ACTN2: variants seen among roughly 807,000 people sequenced by gnomAD.
ACTN2 encodes the protein alpha-actinin-2.
Under a neutral mutation model 113.8 loss-of-function variants are expected in ACTN2, and 39 were observed. The ratio of observed to expected loss-of-function variants is 0.34; its 90% CI spans 0.27 to 0.45. The LOEUF is 0.45. Among genes scored for constraint, ACTN2 ranks in the 20% least tolerant of loss-of-function variants. ACTN2 has a pLI of 1.00. For synonymous variants in ACTN2, 429 were observed against 444.1 expected (o/e 0.97, Z 0.43); for missense variants, 992 against 1,177.9 (o/e 0.84, Z 2.31).
rs149277590 is a variant in ACTN2, at chr1:236,743,455, G to A, written c.1255+412G>A. On this transcript the variant is annotated intron_variant, in intron 11 of 20. Coordinates refer to ENST00000366578, the MANE Select transcript of ACTN2 (RefSeq NM_001103.4). ...CATAATATCCTATGTAGAAAATCTG[G>A]GAGGGAGGATGCAAGATATCATGTA... Among the ~76,000 whole-genome samples the A allele has an allele frequency of 5.9e-5, 9 of 152,278 alleles. No homozygotes were observed. In the East Asian group the frequency reaches 1.7e-3, roughly 29 times the overall value.
chr1:236,739,364 G>A lies in ACTN2; in HGVS notation c.939G>A (p.Met313Ile). The A allele has an allele frequency of 6.2e-7, 1 of 1,614,090 alleles. No individual in the cohort carries two copies. The highest frequency in any genetic ancestry group is 8.5e-7 in the Non-Finnish European group (1 of 1,180,032). ...AGAACCGGACTCCCGAGAAGACCAT[G>A]CAAGCCATGCAGAAGAAGCTGGAGG... Reference protein sequence around the residue: ...WLENRTPEKTMQAMQKKLEDF... With the variant: ...WLENRTPEKTIQAMQKKLEDF... The change falls in exon 10 of 21, where the codon ATG becomes ATA. Residue 313 changes from methionine to isoleucine, a missense_variant. Met to Ile is a conservative substitution (Grantham distance 10, BLOSUM62 1). This residue lies in a region of ACTN2 where 736 missense variants were observed against 815.4 expected (regional missense o/e 0.90). Coordinates refer to ENST00000366578, the MANE Select transcript of ACTN2 (RefSeq NM_001103.4).
At chr1:236,697,934 ATT>A (rs35264789) in intron 1 of ACTN2, among the ~76,000 whole-genome samples, 1 of 127,282 alleles carries the variant, frequency 7.9e-6, no homozygotes, top group Admixed American at 8.0e-5. Flanking sequence ...TAATTTTCGT[ATT>A]TTTTTTTTTT....
At chr1:236,749,304 G>A in intron 14 of ACTN2, 40 bp downstream of exon 14, 1 of 1,613,008 alleles carries the variant, frequency 6.2e-7, no homozygotes, top group East Asian at 2.2e-5. Flanking sequence ...TGCATTAGAA[G>A]TGAGTTGTCA....
chr1:236,693,213 A>T (rs1657341475), intron 1 of ACTN2, among the ~76,000 whole-genome samples: 1 of 139,400 alleles, frequency 7.2e-6, no homozygotes, highest in Admixed American at 7.3e-5. Context: ...ACACACACAC[A>T]CAGAGTTTTC....
At chr1:236,733,938 TGTGCTTTTAC>T (rs1658787582) in intron 7 of ACTN2, among the ~76,000 whole-genome samples, 1 of 152,228 alleles carries the variant, frequency 6.6e-6, no homozygotes, top group African/African-American at 2.4e-5. Flanking sequence ...ACTTATCTAC[TGTGCTTTTAC>T]AAGGTTGTAA....
intron 3 of ACTN2, among the ~76,000 whole-genome samples, chr1:236,719,250 A>G (rs187232670): frequency 8.3e-4 from 127 of 152,360 alleles, no homozygotes; most frequent in African/African-American, 3.0e-3. Flanking sequence ...TGTCATCTTC[A>G]GAAGACTTAA....
chr1:236,752,715 C>T (rs1220864049), intron 15 of ACTN2, among the ~76,000 whole-genome samples: 1 of 151,898 alleles, frequency 6.6e-6, no homozygotes, highest in Non-Finnish European at 1.5e-5. Flanking sequence ...CCACGCCTGG[C>T]TAATTTTTTA....
At chr1:236,745,302 C>T (rs957690270) in intron 12 of ACTN2, among the ~76,000 whole-genome samples, 6 of 152,186 alleles carry the variant, frequency 3.9e-5, no homozygotes, top group South Asian at 2.1e-4. Flanking sequence ...GGCCTGGTGG[C>T]GGGTGCCTGT....
chr1:236,708,037 A>C (rs192469723), intron 1 of ACTN2, among the ~76,000 whole-genome samples: 2 of 151,834 alleles, frequency 1.3e-5, no homozygotes, highest in African/African-American at 4.8e-5. Flanking sequence ...TGGGGGAGGG[A>C]ACAAACCACA....
chr1:236,729,136 G>A (rs1658645506), intron 6 of ACTN2, among the ~76,000 whole-genome samples: 1 of 151,858 alleles, frequency 6.6e-6, no homozygotes, highest in Non-Finnish European at 1.5e-5. Flanking sequence ...AGCTAGGCGT[G>A]GTGGCAGGTG....
At position 236,734,597 on chromosome 1, in the gene ACTN2, T is replaced by C. The variant is rs114959733; in HGVS notation, c.698-1038T>C. The C allele has an allele frequency of 2.5e-3, 2,668 of 1,056,154 alleles. 50 individuals carry two copies. The African/African-American group carries it at 0.038, about 15-fold the overall frequency. The allele number at this position is 1,056,154 out of a possible 1,614,324, so 65.4% of individuals were successfully genotyped here. On this transcript the variant is annotated intron_variant, in intron 7 of 20. Transcript: ENST00000366578. ...TTTTTTTCAATTGTTTTCCTCTTTT[T>C]TCCCCCCTCTCCTCCGAGTAAGGAG...
Position 236,762,983 on chromosome 1 carries a change from G to A in ACTN2, c.*364G>A, listed in dbSNP as rs1033102371. 8.9e-5 allele frequency: 28 copies of A among 313,694 alleles called. No homozygotes were observed. Among genetic ancestry groups the A allele is most frequent in the South Asian group, 4.8e-4 (17 of 35,084 alleles). The allele number at this position is 313,694 out of a possible 1,614,324, so 19.4% of individuals were successfully genotyped here. A position where few individuals can be genotyped will look rare whatever the true frequency, so the allele number is the denominator to read the frequency against. On this transcript the variant is annotated 3_prime_UTR_variant, in exon 21 of 21. Coordinates refer to ENST00000366578, the MANE Select transcript of ACTN2 (RefSeq NM_001103.4). ...TACAAAATACCCAAGATTTAAGACCGGGGGGAAAAAACCACAAATTGGTAA... is the reference window on the plus strand; with the variant it reads ...TACAAAATACCCAAGATTTAAGACCAGGGGGAAAAAACCACAAATTGGTAA...
intron 7 of ACTN2, among the ~76,000 whole-genome samples, chr1:236,732,750 A>G (rs1658749886): frequency 6.6e-6 from 1 of 151,970 alleles, no homozygotes; most frequent in Non-Finnish European, 1.5e-5. Context: ...GCCTGTGAAT[A>G]TTTTCTTACA....
intron 15 of ACTN2, among the ~76,000 whole-genome samples, chr1:236,752,370 A>G (rs1572144173): frequency 6.6e-6 from 1 of 152,212 alleles, no homozygotes; most frequent in Non-Finnish European, 1.5e-5. Context: ...AAAAACAGGT[A>G]TGAGGAAAAG....
chr1:236,738,734 CT>C (rs1269725485), intron 9 of ACTN2, among the ~76,000 whole-genome samples: 1 of 152,118 alleles, frequency 6.6e-6, no homozygotes, highest in Non-Finnish European at 1.5e-5. Context: ...GTATTTTGTC[CT>C]TAGGGATTCA....
At chr1:236,749,863 T>C (rs538546470) in intron 14 of ACTN2, among the ~76,000 whole-genome samples, 1 of 152,094 alleles carries the variant, frequency 6.6e-6, no homozygotes, top group Non-Finnish European at 1.5e-5. Flanking sequence ...TTGAGCAAAA[T>C]AAACATATGT....
At chr1:236,725,697 G>A (rs1450375439) in intron 4 of ACTN2, among the ~76,000 whole-genome samples, 1 of 152,184 alleles carries the variant, frequency 6.6e-6, no homozygotes, top group Non-Finnish European at 1.5e-5. Flanking sequence ...TCTAGTTTTA[G>A]TGTCTTTTTA....
chr1:236,724,414 T>C (rs958952647), intron 4 of ACTN2, among the ~76,000 whole-genome samples: 1 of 152,084 alleles, frequency 6.6e-6, no homozygotes, highest in Non-Finnish European at 1.5e-5. Flanking sequence ...GTGCAGGAGA[T>C]TTTTTGGGGA....
chr1:236,754,235 C>G lies in ACTN2; in HGVS notation c.1974+154C>G, dbSNP rs1659486621. On this transcript the variant is annotated intron_variant, in intron 16 of 20. Transcript: ENST00000366578. This position sits in a 1 kb window ranked among gnomAD's most constrained non-coding sequence, Gnocchi z 4.9. The stretch of plus-strand genomic sequence containing the variant: ...ATCACCCCGGCTTTATCTTTCAGCC[C>G]CTGGCTGTTGGGGACAGTGTGCAAA... Among the ~76,000 whole-genome samples, 1 of 152,226 alleles carries G rather than the reference C, an allele frequency of 6.6e-6. No individual in the cohort carries two copies. The highest frequency in any genetic ancestry group is 2.4e-5 in the African/African-American group (1 of 41,456).
Sources: gnomAD v4.1 joint callset for allele counts (sites outside exome capture counted in the v4.1 genomes callset) on GRCh38, gnomAD v4.1.1 for gene constraint, gnomAD v4.1.1 regional missense constraint, Gnocchi (gnomAD v3.1) non-coding constraint, MANE v1.5 for transcripts, NCBI Gene and HGNC (gene_info 2026-07-23, HGNC 2026-07-21) for gene names.